The following LMX1B variants were observed in gnomAD, a reference collection of about 807,000 sequenced individuals.
LMX1B encodes the protein LIM homeobox transcription factor 1-beta.
In LMX1B, 12 loss-of-function variants were observed where a neutral mutation model predicts 51.4. The observed-to-expected ratio is 0.23, with a 90% CI of 0.15 to 0.38. The LOEUF (loss-of-function observed/expected upper bound fraction) is 0.38, where lower values mean the gene tolerates loss of function less well. LMX1B is among the 10% of genes least tolerant of loss of function. The probability of loss-of-function intolerance (pLI) is 1.00; values close to 1 mark genes in which losing one functional copy is unlikely to be tolerated. For missense variants in LMX1B, 445 were observed against 571.1 expected (o/e 0.78, Z 2.25); for synonymous variants, 237 against 235.4 (o/e 1.01, Z -0.06).
At chr9:126,657,342 G>A (rs1412307264) in intron 2 of LMX1B, among the ~76,000 whole-genome samples, 3 of 152,206 alleles carry the variant, frequency 2.0e-5, no homozygotes, top group African/African-American at 7.2e-5. Flanking sequence ...TCTTGGTCAG[G>A]TATCTGATAT....
chr9:126,614,346 G>A lies in LMX1B; in HGVS notation c.-104G>A, dbSNP rs1835255929. ...GGCCGGCGCAACCCCTGCCCTGCGG[G>A]GGCCGCGCCTCCCCGGTTCCAGGGC... On this transcript the variant is annotated 5_prime_UTR_variant, in exon 1 of 8. Transcript: ENST00000373474. 3.6e-6 allele frequency: 3 copies of A among 842,536 alleles called. No individual in the cohort carries two copies. The highest frequency in any genetic ancestry group is 4.4e-6 in the Non-Finnish European group (3 of 684,296). 52.2% of individuals were successfully genotyped at this position (842,536 alleles called of 1,614,324 possible).
intron 2 of LMX1B, among the ~76,000 whole-genome samples, chr9:126,647,333 T>C (rs1488645852): frequency 6.6e-6 from 1 of 152,232 alleles, no homozygotes; most frequent in East Asian, 1.9e-4. Flanking sequence ...GAAGGTGGAA[T>C]AACTTCCTCT....
At position 126,688,781 on chromosome 9, in the gene LMX1B, A is replaced by G. The variant is rs138528096; in HGVS notation, c.327-2055A>G. Among the ~76,000 whole-genome samples the G allele has an allele frequency of 2.6e-3, 398 of 152,310 alleles. 1 individual carries two copies. The highest frequency in any genetic ancestry group is 9.0e-3 in the African/African-American group (375 of 41,574). ...CAGGCTGGTGGGGTCCAGCATGCCC[A>G]GAGCAGAGCCTGGCCTCAGCCTCAG... On this transcript the variant is annotated intron_variant, in intron 2 of 7. Coordinates refer to ENST00000373474, the MANE Select transcript of LMX1B (RefSeq NM_001174147.2).
intron 2 of LMX1B, among the ~76,000 whole-genome samples, chr9:126,654,305 C>T (rs1392150253): frequency 6.6e-6 from 1 of 152,222 alleles, no homozygotes; most frequent in Admixed American, 6.5e-5. Flanking sequence ...TCCCACAGAC[C>T]CCCATGCCTC....
chr9:126,662,032 G>A (rs1301789105), intron 2 of LMX1B, among the ~76,000 whole-genome samples: 3 of 152,142 alleles, frequency 2.0e-5, no homozygotes, highest in East Asian at 1.9e-4. Flanking sequence ...GGACACCTGC[G>A]GGGCAGCCGA....
intron 2 of LMX1B, among the ~76,000 whole-genome samples, chr9:126,689,963 C>CT (rs1250749749): frequency 6.6e-6 from 1 of 152,080 alleles, no homozygotes; most frequent in African/African-American, 2.4e-5. Context: ...TCTATACGTG[C>CT]TCAGTGAATA....
intron 2 of LMX1B, among the ~76,000 whole-genome samples, chr9:126,689,024 T>A (rs1367352924): frequency 6.6e-6 from 1 of 152,086 alleles, no homozygotes; most frequent in African/African-American, 2.4e-5. Context: ...GGGCTTGACA[T>A]CTCCATTTTA....
At chr9:126,637,179 A>C (rs958935147) in intron 2 of LMX1B, among the ~76,000 whole-genome samples, 37 of 152,336 alleles carry the variant, frequency 2.4e-4, no homozygotes, top group African/African-American at 7.5e-4. Flanking sequence ...GGGCGGTGGC[A>C]CTGTGCTCTG....
rs1298695992 is a variant in LMX1B at position 126,625,888 on chromosome 9, G to A, written c.326+10319G>A. Among the ~76,000 whole-genome samples, 1 of 152,216 alleles carries A rather than the reference G, an allele frequency of 6.6e-6. No homozygotes were observed. Among genetic ancestry groups the A allele is most frequent in the Non-Finnish European group, 1.5e-5 (1 of 68,038 alleles). On this transcript the variant is annotated intron_variant, in intron 2 of 7. Coordinates refer to ENST00000373474, the MANE Select transcript of LMX1B (RefSeq NM_001174147.2). The surrounding 1 kb of genome is among the most constrained non-coding windows in gnomAD (Gnocchi z 5.3). ...AGCGGGCGCCGAGGCTTGGGCTTTAGCCGTGGCGCTCGCCTCGGCGCAGTG... is the reference window on the plus strand; with the variant it reads ...AGCGGGCGCCGAGGCTTGGGCTTTAACCGTGGCGCTCGCCTCGGCGCAGTG...
At chr9:126,683,108 G>A (rs934419388) in intron 2 of LMX1B, among the ~76,000 whole-genome samples, 4 of 150,960 alleles carry the variant, frequency 2.6e-5, no homozygotes, top group African/African-American at 9.7e-5. Flanking sequence ...CGGCGGCCCC[G>A]CACAGCTGCG....
rs78311955 is a variant in LMX1B, at chr9:126,648,320, C to T, written c.326+32751C>T. The stretch of plus-strand genomic sequence containing the variant: ...TTAAGGAGGCTTCGAGGCTCCCTAG[C>T]CTCCCTCGAAGGCAGGTCCCAGCCC... On this transcript the variant is annotated intron_variant, in intron 2 of 7. Transcript: ENST00000373474. Among the ~76,000 whole-genome samples, 1,257 of 152,296 alleles carry T rather than the reference C, an allele frequency of 8.3e-3. 10 individuals are homozygous for T. Among genetic ancestry groups the T allele is most frequent in the Non-Finnish European group, 0.014 (934 of 68,024 alleles).
At chr9:126,662,576 C>G (rs1836265917) in intron 2 of LMX1B, among the ~76,000 whole-genome samples, 1 of 152,184 alleles carries the variant, frequency 6.6e-6, no homozygotes, top group Admixed American at 6.5e-5. Flanking sequence ...ATGGGAGGCT[C>G]CCACGCCCTG....
At chr9:126,686,096 G>A (rs961770568) in intron 2 of LMX1B, among the ~76,000 whole-genome samples, 1 of 151,978 alleles carries the variant, frequency 6.6e-6, no homozygotes, top group Non-Finnish European at 1.5e-5. Context: ...TGGCTAACAC[G>A]GTGAAACCCC....
intron 2 of LMX1B, among the ~76,000 whole-genome samples, chr9:126,661,229 G>A (rs1176993069): frequency 8.0e-6 from 1 of 125,266 alleles, no homozygotes; most frequent in African/African-American, 2.6e-5. Flanking sequence ...TCAGGCCAGC[G>A]TGGACGCCCC....
chr9:126,687,728 A>G (rs936364065), intron 2 of LMX1B, among the ~76,000 whole-genome samples: 13 of 152,058 alleles, frequency 8.5e-5, no homozygotes, highest in African/African-American at 2.9e-4. Context: ...GAGGCTCGAG[A>G]AGAAAAATTA....
rs1835260802 is a variant in LMX1B at position 126,614,479 on chromosome 9, G to T, written c.30G>T (p.Leu10=). Residue 10 remains leucine, a synonymous_variant, in exon 1 of 8, where the codon CTG becomes CTT. Transcript: ENST00000373474. MDIATGPES[L]ERCFPRGQTD... ...ATATAGCAACAGGTCCCGAGTCGCT[G>T]GAGAGGTGCTTCCCTCGCGGGCAGA... 1 of 1,595,752 alleles carries T rather than the reference G, an allele frequency of 6.3e-7. No homozygotes were observed. Among genetic ancestry groups the T allele is most frequent in the Non-Finnish European group, 8.5e-7 (1 of 1,171,936 alleles).
At chr9:126,685,066 C>G (rs1474699698) in intron 2 of LMX1B, among the ~76,000 whole-genome samples, 3 of 152,176 alleles carry the variant, frequency 2.0e-5, no homozygotes, top group Non-Finnish European at 4.4e-5. Context: ...GACCCAGTAT[C>G]TGATTTCTGG....
intron 2 of LMX1B, among the ~76,000 whole-genome samples, chr9:126,666,007 C>T (rs1219635108): frequency 2.0e-5 from 3 of 152,278 alleles, no homozygotes; most frequent in Admixed American, 6.5e-5. Flanking sequence ...ACAGCTCCTA[C>T]GCAGAGGTTC....
In LMX1B at chr9:126,695,913, G is replaced by A. The variant is rs1427690580; in HGVS notation, c.961G>A (p.Ala321Thr). 3 of 1,613,424 alleles carry A rather than the reference G, an allele frequency of 1.9e-6. No homozygotes were observed. Among genetic ancestry groups the A allele is most frequent in the Non-Finnish European group, 2.5e-6 (3 of 1,179,798 alleles). ...PLAPPQQQIV[A>T]MEQSPYGSSD... ...GGCCCCACCACAGCAGCAGATCGTG[G>A]CCATGGAACAGAGCCCCTACGGCAG... is the stretch of plus-strand genomic sequence containing the variant. Residue 321 changes from alanine to threonine, a missense_variant, in exon 7 of 8, where the codon GCC becomes ACC. Ala to Thr is a moderately conservative substitution (Grantham distance 58, BLOSUM62 0). Around this residue, in one of 3 missense-constraint regions of LMX1B, gnomAD observed 162 missense variants for 187.8 expected, o/e 0.86. Transcript: ENST00000373474. This position sits in a 1 kb window ranked among gnomAD's most constrained non-coding sequence, Gnocchi z 5.2.
Sources: allele counts gnomAD v4.1 joint callset (sites outside exome capture counted in the v4.1 genomes callset), GRCh38; gene constraint gnomAD v4.1.1; regional missense constraint gnomAD v4.1.1; non-coding constraint Gnocchi (gnomAD v3.1); transcripts MANE v1.5; gene names NCBI Gene and HGNC (gene_info 2026-07-23, HGNC 2026-07-21).